Variants in KIF26B observed in about 807,000 individuals in gnomAD.
KIF26B encodes the protein kinesin-like protein KIF26B.
Under a neutral mutation model 151.2 loss-of-function variants are expected in KIF26B, and 63 were observed. The observed-to-expected ratio is 0.42, with a 90% CI of 0.34 to 0.51. The LOEUF (loss-of-function observed/expected upper bound fraction) is 0.51. KIF26B is among the 20% of genes least tolerant of loss of function. The pLI is 0.07. For synonymous variants in KIF26B, 1,357 were observed against 1,262.1 expected (o/e 1.08, Z -1.59); for missense variants, 2,813 against 2,913.6 (o/e 0.97, Z 0.79).
At chr1:245,219,649 A>C (rs1669724266) in intron 2 of KIF26B, among the ~76,000 whole-genome samples, 1 of 152,040 alleles carries the variant, frequency 6.6e-6, no homozygotes, top group Non-Finnish European at 1.5e-5. Context: ...CGGGAGGATC[A>C]CCTGAGCCTA....
intron 2 of KIF26B, among the ~76,000 whole-genome samples, chr1:245,295,902 G>A (rs1034489947): frequency 2.0e-5 from 3 of 152,184 alleles, no homozygotes; most frequent in African/African-American, 4.8e-5. Flanking sequence ...CTGAATGGGC[G>A]TGAAACTGTG....
At chr1:245,406,166 G>T (rs947809805) in intron 3 of KIF26B, among the ~76,000 whole-genome samples, 1 of 152,132 alleles carries the variant, frequency 6.6e-6, no homozygotes, top group Non-Finnish European at 1.5e-5. Flanking sequence ...CCTATGTGCA[G>T]TCTCACACGT....
chr1:245,331,225 G>A (rs1017541878), intron 2 of KIF26B, among the ~76,000 whole-genome samples: 5 of 152,082 alleles, frequency 3.3e-5, no homozygotes, highest in African/African-American at 1.2e-4. Flanking sequence ...CTTGCCGGAG[G>A]AGGGTGCACG....
At chr1:245,312,683 A>C (rs1024717092) in intron 2 of KIF26B, among the ~76,000 whole-genome samples, 2 of 152,074 alleles carry the variant, frequency 1.3e-5, no homozygotes, top group Non-Finnish European at 2.9e-5. Context: ...GGTCTCAGAG[A>C]GGTTACGTGA....
chr1:245,650,016 A>T (rs895987292), intron 10 of KIF26B, among the ~76,000 whole-genome samples: 4 of 152,244 alleles, frequency 2.6e-5, no homozygotes, highest in Non-Finnish European at 5.9e-5. Context: ...TACACAGCAC[A>T]GGCACATTAC....
chr1:245,589,787 T>C (rs957425554), intron 5 of KIF26B, among the ~76,000 whole-genome samples: 1 of 152,166 alleles, frequency 6.6e-6, no homozygotes, highest in African/African-American at 2.4e-5. Flanking sequence ...GTTACTGATC[T>C]AGGTGAAAGG....
Position 245,261,485 on chromosome 1 carries a change from CT to C in KIF26B, c.465+104803del, listed in dbSNP as rs1197322757. ...TCTTTCTTTCTCTCTCTCTCTCTCT[CT>C]CTCTCTCTCTCTCTCTCCCTCCCTC... On this transcript the variant is annotated intron_variant, in intron 2 of 14. Coordinates refer to ENST00000407071, the MANE Select transcript of KIF26B (RefSeq NM_018012.4). 2.7e-3 allele frequency among the ~76,000 whole-genome samples: 337 copies of C among 123,512 alleles called. 2 individuals carry two copies. Among genetic ancestry groups the C allele is most frequent in the African/African-American group, 0.011 (325 of 30,128 alleles). 81.0% of individuals were successfully genotyped at this position (123,512 alleles called of 152,430 possible). A position where few individuals can be genotyped will look rare whatever the true frequency, so the allele number is the denominator to read the frequency against.
In KIF26B at chr1:245,372,803, C is replaced by A. The variant is rs1342862466; in HGVS notation, c.999+5436C>A. ...GGAATGCACCTGTGTAGGATGGTAA[C>A]TGTCTTTTGCATCATGGTAGGAGAT... On this transcript the variant is annotated intron_variant, in intron 3 of 14. Transcript: ENST00000407071. 2.6e-5 allele frequency among the ~76,000 whole-genome samples: 4 copies of A among 152,314 alleles called. No individual in the cohort carries two copies. The East Asian group carries it at 7.7e-4, about 29-fold the overall frequency.
chr1:245,545,099 G>T (rs1320978502), intron 5 of KIF26B, among the ~76,000 whole-genome samples: 4 of 133,094 alleles, frequency 3.0e-5, no homozygotes, highest in African/African-American at 1.2e-4. Context: ...CTGATACACA[G>T]CAATTTTTTT....
Position 245,375,603 on chromosome 1 carries a change from C to G in KIF26B, c.999+8236C>G, listed in dbSNP as rs1437350413. On this transcript the variant is annotated intron_variant, in intron 3 of 14. Coordinates refer to ENST00000407071, the MANE Select transcript of KIF26B (RefSeq NM_018012.4). The surrounding 1 kb of genome is among the most constrained non-coding windows in gnomAD (Gnocchi z 4.2). Reference sequence around the variant, plus strand: ...CCTAGAGCCTCCAGAAGAAGCCAGCCCTGCAGGGCCATTTTTGAGTTCTGG... The same window carrying G: ...CCTAGAGCCTCCAGAAGAAGCCAGCGCTGCAGGGCCATTTTTGAGTTCTGG... Among the ~76,000 whole-genome samples, 1 of 152,054 alleles carries G rather than the reference C, an allele frequency of 6.6e-6. No homozygotes were observed. The highest frequency in any genetic ancestry group is 1.9e-4 in the East Asian group (1 of 5,184).
rs1205318056 is a variant in KIF26B, at chr1:245,708,101, A to G, written c.*5495A>G. Reference sequence around the variant, plus strand: ...GGGAGGGGCTAGGCCTTGAGCTAGGAGCAAGGACATGGGCCGCCAGGCCTG... The same window carrying G: ...GGGAGGGGCTAGGCCTTGAGCTAGGGGCAAGGACATGGGCCGCCAGGCCTG... On this transcript the variant is annotated 3_prime_UTR_variant, in exon 15 of 15. Coordinates refer to ENST00000407071, the MANE Select transcript of KIF26B (RefSeq NM_018012.4). 1 of 152,170 alleles carries G rather than the reference A, an allele frequency of 6.6e-6. No homozygotes were observed. Among genetic ancestry groups the G allele is most frequent in the Non-Finnish European group, 1.5e-5 (1 of 68,036 alleles). 9.4% of individuals were successfully genotyped at this position (152,170 alleles called of 1,614,324 possible).
At chr1:245,447,876 C>G (rs111621984) in intron 4 of KIF26B, among the ~76,000 whole-genome samples, 3,995 of 152,338 alleles carry the variant, frequency 0.026, 189 homozygotes, top group African/African-American at 0.09. Context: ...TCTCAGCACA[C>G]TGCCTATGGG....
At chr1:245,203,615 G>A (rs1669344393) in intron 2 of KIF26B, among the ~76,000 whole-genome samples, 1 of 152,214 alleles carries the variant, frequency 6.6e-6, no homozygotes, top group Admixed American at 6.5e-5. Flanking sequence ...TTGTCCACTT[G>A]TAAAGATTTT....
At chr1:245,544,533 T>A (rs776368423) in intron 5 of KIF26B, among the ~76,000 whole-genome samples, 29 of 151,468 alleles carry the variant, frequency 1.9e-4, no homozygotes, top group Non-Finnish European at 4.0e-4. Flanking sequence ...GAGCAACTTC[T>A]TATTTAGTAG....
intron 2 of KIF26B, among the ~76,000 whole-genome samples, chr1:245,355,342 AC>A (rs1672668814): frequency 6.6e-6 from 1 of 152,114 alleles, no homozygotes; most frequent in South Asian, 2.1e-4. Flanking sequence ...AGTTATGACA[AC>A]CAAAAATGTC....
chr1:245,221,474 C>T (rs1669767544), intron 2 of KIF26B, among the ~76,000 whole-genome samples: 1 of 150,638 alleles, frequency 6.6e-6, no homozygotes, highest in South Asian at 2.1e-4. Flanking sequence ...ATGGCATGAT[C>T]TCAGCTCACT....
rs1244946856 is a variant in KIF26B at position 245,688,018 on chromosome 1, T to C, written c.5035T>C (p.Cys1679Arg). ...CAGGGCGACAGTCAGCCACTACGAA[T>C]GCCTCTCCCTGGAGCGGGCCGAGAG... ...LGRATVSHYE[C>R]LSLERAESLS... The change falls in exon 12 of 15, where the codon TGC becomes CGC. Residue 1679 changes from cysteine to arginine, a missense_variant. Around this residue, in one of 3 missense-constraint regions of KIF26B, gnomAD observed 2,060 missense variants for 2,088.6 expected, o/e 0.99. Coordinates refer to ENST00000407071, the MANE Select transcript of KIF26B (RefSeq NM_018012.4). The C allele has an allele frequency of 3.8e-6, 6 of 1,561,442 alleles. No individual in the cohort carries two copies. The highest frequency in any genetic ancestry group is 3.8e-5 in the Admixed American group (2 of 52,250).
chr1:245,666,599 G>C (rs2044218074), intron 10 of KIF26B, among the ~76,000 whole-genome samples: 1 of 152,070 alleles, frequency 6.6e-6, no homozygotes, highest in Admixed American at 6.6e-5. Context: ...AATGAGGATG[G>C]GACAGGTTTA....
At chr1:245,272,936 C>T (rs1201942733) in intron 2 of KIF26B, among the ~76,000 whole-genome samples, 1 of 152,200 alleles carries the variant, frequency 6.6e-6, no homozygotes, top group Non-Finnish European at 1.5e-5. Flanking sequence ...TGTGCCTTAA[C>T]ATGTGACGTA....
Sources: allele counts gnomAD v4.1 joint callset (sites outside exome capture counted in the v4.1 genomes callset), GRCh38; gene constraint gnomAD v4.1.1; regional missense constraint gnomAD v4.1.1; non-coding constraint Gnocchi (gnomAD v3.1); transcripts MANE v1.5; gene names NCBI Gene and HGNC (gene_info 2026-07-23, HGNC 2026-07-21).